Variants in FGF13 observed in about 807,000 individuals in gnomAD.
FGF13 encodes the protein fibroblast growth factor homologous factor 2.
A neutral mutation model predicts 19.5 loss-of-function variants in FGF13; 2 were observed. The observed-to-expected ratio is 0.10, with a 90% CI of 0.04 to 0.32. The LOEUF (loss-of-function observed/expected upper bound fraction) is 0.32. FGF13 is among the 10% of genes least tolerant of loss of function. The probability of loss-of-function intolerance (pLI) is 1.00; values close to 1 mark genes in which losing one functional copy is unlikely to be tolerated. For synonymous variants in FGF13, 72 were observed against 76.9 expected, an observed-to-expected ratio of 0.94 and a Z score of 0.33; for missense variants, 113 against 192.7, an observed-to-expected ratio of 0.59 and a Z score of 2.45.
At chrX:138,713,270 C>G (rs1263459741), upstream of FGF13, among the ~76,000 whole-genome samples, 2 of 112,001 alleles carry the variant, frequency 1.8e-5, no homozygotes, top group African/African-American at 6.5e-5. Context: ...AAAATAAATC[C>G]CTGAGGAATG....
At chrX:138,934,325 T>C (rs1254301566) in intron 1 of FGF13, among the ~76,000 whole-genome samples, 4 of 111,825 alleles carry the variant, frequency 3.6e-5, no homozygotes, top group Admixed American at 9.4e-5. Context: ...AAGAGGAAGA[T>C]GAGGATGCCT....
At chrX:138,983,935 C>G (rs1012589287) in intron 1 of FGF13, among the ~76,000 whole-genome samples, 4 of 111,348 alleles carry the variant, frequency 3.6e-5, no homozygotes, top group African/African-American at 1.3e-4. Context: ...GACATTTTGC[C>G]TATAGTTATC....
At chrX:138,719,146 G>T (rs772006828) in intron 1 of FGF13, among the ~76,000 whole-genome samples, 2 of 112,282 alleles carry the variant, frequency 1.8e-5, no homozygotes, top group South Asian at 7.4e-4. Flanking sequence ...CTCATTGGCA[G>T]TGGGTCTGGA....
At chrX:139,060,978 C>A (rs2092334391) in intron 1 of FGF13, among the ~76,000 whole-genome samples, 2 of 111,286 alleles carry the variant, frequency 1.8e-5, no homozygotes, top group South Asian at 7.5e-4. Context: ...ATAGACAATG[C>A]AGCTTCTTCA....
At chrX:138,915,559 G>C (rs942948998) in intron 1 of FGF13, among the ~76,000 whole-genome samples, 2 of 111,558 alleles carry the variant, frequency 1.8e-5, no homozygotes, top group Non-Finnish European at 3.8e-5. Context: ...GAATGAAGGG[G>C]TGTTATTTAT....
intron 1 of FGF13, among the ~76,000 whole-genome samples, chrX:138,996,057 G>A (rs758598540): frequency 9.0e-6 from 1 of 111,669 alleles, no homozygotes; most frequent in Admixed American, 9.5e-5. Flanking sequence ...GTCTGGAGAG[G>A]GTCTGGCAAG....
In FGF13 at chrX:138,785,479, C is replaced by G. The variant is rs2090684842; in HGVS notation, c.217+72033G>C. Among the ~76,000 whole-genome samples the G allele has an allele frequency of 3.6e-5, 4 of 111,366 alleles. No individual in the cohort carries two copies. The South Asian group carries it at 1.5e-3, about 43-fold the overall frequency. On this transcript the variant is annotated intron_variant, in intron 3 of 6. Transcript: ENST00000436198. ...TCTAATGTAGCTTTTCCTTCTCCAC[C>G]ACTATATAGACATCACTGTTATCAA...
chrX:138,810,271 G>C (rs1302814484), intron 3 of FGF13, among the ~76,000 whole-genome samples: 1 of 111,341 alleles, frequency 9.0e-6, no homozygotes, highest in East Asian at 2.8e-4. Flanking sequence ...ACAAAACAGA[G>C]CCCTCAGAAA....
intron 2 of FGF13, among the ~76,000 whole-genome samples, chrX:138,705,508 T>C (rs1313465724): frequency 8.9e-6 from 1 of 112,195 alleles, no homozygotes; most frequent in Non-Finnish European, 1.9e-5. Context: ...TACTTTTCAC[T>C]ATGTACTTTA....
chrX:138,758,624 C>G (rs761393843), intron 3 of FGF13, among the ~76,000 whole-genome samples: 8 of 111,221 alleles, frequency 7.2e-5, no homozygotes, highest in Non-Finnish European at 1.1e-4. Context: ...ACCATGTGTC[C>G]CCTCCTTAAA....
intron 3 of FGF13, among the ~76,000 whole-genome samples, chrX:138,847,807 G>A (rs1295156083): frequency 8.9e-6 from 1 of 111,916 alleles, no homozygotes; most frequent in Admixed American, 9.5e-5. Context: ...TTATGCTGCA[G>A]TAGCCGATTA....
intron 1 of FGF13, among the ~76,000 whole-genome samples, chrX:139,191,125 G>A (rs910314648): frequency 8.9e-6 from 1 of 111,938 alleles, no homozygotes; most frequent in Admixed American, 9.5e-5. Flanking sequence ...CTCACTCTCA[G>A]CAGAGCAACT....
In FGF13 at chrX:139,161,456, C is replaced by G. The variant is rs1486407280; in HGVS notation, c.-113+41960G>C. Among the ~76,000 whole-genome samples, 23 of 110,568 alleles carry G rather than the reference C, an allele frequency of 2.1e-4. No individual in the cohort carries two copies. The Admixed American group carries it at 2.2e-3, about 11-fold the overall frequency. ...CACAAGACAATATACTCTCTCTTAG[C>G]ACTCCTATTCAATAAAGTATGGGAA... is the stretch of plus-strand genomic sequence containing the variant. On this transcript the variant is annotated intron_variant, in intron 1 of 2. Coordinates refer to the FGF13 transcript ENST00000421460.
chrX:139,028,218 AT>A (rs1188737284), intron 1 of FGF13, among the ~76,000 whole-genome samples: 1 of 111,632 alleles, frequency 9.0e-6, no homozygotes, highest in South Asian at 3.8e-4. Context: ...TTATAAACAT[AT>A]TTTTTAGTAT....
chrX:138,723,035 C>G lies in FGF13; in HGVS notation c.29-14107G>C, dbSNP rs866327909. The stretch of plus-strand genomic sequence containing the variant: ...TTATAGGTGAGGAGAAAAGATACGA[C>G]GAGATTAAAAATTTTGCCTAAGGTC... On this transcript the variant is annotated intron_variant, in intron 1 of 4. Transcript: ENST00000305414. Among the ~76,000 whole-genome samples, 10 of 111,504 alleles carry G rather than the reference C, an allele frequency of 9.0e-5. No individual in the cohort carries two copies. In the South Asian group the frequency reaches 3.7e-3, roughly 42 times the overall value.
rs202162847 is a variant in FGF13, at chrX:138,710,773, C to T, written c.187+44G>A. ...TACCTGCTCCCCACCGCCCCCACCT[C>T]ACTCGTAAAGTATGGGGAAAAGAAA... On this transcript the variant is annotated intron_variant, in intron 1 of 4. Transcript: ENST00000315930. 5.0e-6 allele frequency: 6 copies of T among 1,199,807 alleles called. No homozygotes were observed. The East Asian group carries it at 1.8e-4, about 36-fold the overall frequency.
intron 1 of FGF13, among the ~76,000 whole-genome samples, chrX:138,941,181 A>G (rs1259217262): frequency 9.0e-6 from 1 of 111,516 alleles, no homozygotes; most frequent in Non-Finnish European, 1.9e-5. Flanking sequence ...CACCACTCCT[A>G]TTCAACATAG....
At position 138,624,839 on chromosome X, in the gene FGF13, TAAA is replaced by T. The variant is rs891540805; in HGVS notation, c.*8008_*8010del. ...CAGAGTGAGACACTGTTTCAAAAAATAAAATAAAAAAATTATCTGCCCAGCAAA... is the reference window on the plus strand; with the variant it reads ...CAGAGTGAGACACTGTTTCAAAAAATATAAAAAAATTATCTGCCCAGCAAA... On this transcript the variant is annotated 3_prime_UTR_variant, in exon 5 of 5. Transcript: ENST00000315930. 10 of 110,862 alleles carry T rather than the reference TAAA, an allele frequency of 9.0e-5. No individual in the cohort carries two copies. Among genetic ancestry groups the T allele is most frequent in the African/African-American group, 3.3e-4 (10 of 30,429 alleles). 9.1% of individuals were successfully genotyped at this position (110,862 alleles called of 1,213,427 possible). A position where few individuals can be genotyped will look rare whatever the true frequency, so the allele number is the denominator to read the frequency against.
intron 1 of FGF13, among the ~76,000 whole-genome samples, chrX:138,913,200 T>A (rs2124229202): frequency 1.1e-5 from 1 of 88,698 alleles, no homozygotes; most frequent in Non-Finnish European, 2.2e-5. Flanking sequence ...TTTTTTTTTT[T>A]TTTTTTTTGA....
Sources: allele counts gnomAD v4.1 joint callset (sites outside exome capture counted in the v4.1 genomes callset), GRCh38; gene constraint gnomAD v4.1.1; transcripts MANE v1.5; gene names NCBI Gene and HGNC (gene_info 2026-07-23, HGNC 2026-07-21).